The following PMEPA1 variants were observed in gnomAD, a reference collection of about 807,000 sequenced individuals.
PMEPA1 encodes the protein protein TMEPAI.
In PMEPA1, 11 loss-of-function variants were observed where a neutral mutation model predicts 23.0. The ratio of observed to expected loss-of-function variants is 0.48; its 90% CI spans 0.30 to 0.79. PMEPA1 has a LOEUF of 0.79. Ranked by LOEUF, PMEPA1 falls within the 30% of genes least tolerant of loss-of-function variation. The probability of loss-of-function intolerance (pLI) is 0.06; values close to 1 mark genes in which losing one functional copy is unlikely to be tolerated. For missense variants in PMEPA1, 377 were observed against 390.9 expected (o/e 0.96, Z 0.30); for synonymous variants, 204 against 166.4 (o/e 1.23, Z -1.74).
chr20:57,654,274 C>A (rs535754841), intron 2 of PMEPA1, among the ~76,000 whole-genome samples: 2 of 151,112 alleles, frequency 1.3e-5, no homozygotes, highest in East Asian at 3.9e-4. Context: ...ATATTCAAAG[C>A]ATACAATTTG....
Position 57,659,525 on chromosome 20 carries a change from G to A in PMEPA1, c.264+18C>T. 6.2e-7 allele frequency: 1 copy of A among 1,611,552 alleles called. No individual in the cohort carries two copies. Among genetic ancestry groups the A allele is most frequent in the Non-Finnish European group, 8.5e-7 (1 of 1,178,268 alleles). On this transcript the variant is annotated intron_variant, in intron 2 of 3. Coordinates refer to ENST00000341744, the MANE Select transcript of PMEPA1 (RefSeq NM_020182.5). The stretch of plus-strand genomic sequence containing the variant: ...CTGCCGCACCCTCAGGCCACAGATG[G>A]GATGGCGGGGCACTTACTGAGGACA...
intron 1 of PMEPA1, among the ~76,000 whole-genome samples, chr20:57,705,277 C>CTTAAG (rs139775132): frequency 2.0e-5 from 3 of 152,350 alleles, no homozygotes; most frequent in Non-Finnish European, 4.4e-5. Flanking sequence ...GTGTAGCTGG[C>CTTAAG]TTAACCCAGA....
At chr20:57,674,634 C>T (rs2071612141) in intron 1 of PMEPA1, among the ~76,000 whole-genome samples, 1 of 152,246 alleles carries the variant, frequency 6.6e-6, no homozygotes. Flanking sequence ...TGTCTCCATG[C>T]AGGGACGCCC....
At position 57,704,748 on chromosome 20, in the gene PMEPA1, T is replaced by C. The variant is rs1026709232; in HGVS notation, c.109+4726A>G. Among the ~76,000 whole-genome samples the C allele has an allele frequency of 6.6e-6, 1 of 152,210 alleles. No individual in the cohort carries two copies. Among genetic ancestry groups the C allele is most frequent in the Non-Finnish European group, 1.5e-5 (1 of 68,036 alleles). ...TATAAACGTTTAAACCCCCTGGCCC[T>C]GGGCCACGATGGGAGTGGAGATGGT... On this transcript the variant is annotated intron_variant, in intron 1 of 3. Transcript: ENST00000341744. The surrounding 1 kb of genome is among the most constrained non-coding windows in gnomAD (Gnocchi z 4.6).
At chr20:57,678,913 C>G (rs1439389356) in intron 1 of PMEPA1, among the ~76,000 whole-genome samples, 1 of 152,172 alleles carries the variant, frequency 6.6e-6, no homozygotes, top group Non-Finnish European at 1.5e-5. Flanking sequence ...CACTGTACCC[C>G]CAAGAGAAAG....
chr20:57,692,839 C>T (rs777825912), intron 1 of PMEPA1, among the ~76,000 whole-genome samples: 6 of 152,224 alleles, frequency 3.9e-5, no homozygotes, highest in Admixed American at 6.5e-5. Context: ...TCAGCAATGT[C>T]TCAGGGAGCA....
chr20:57,658,186 G>A (rs905833482), intron 2 of PMEPA1, among the ~76,000 whole-genome samples: 66 of 152,270 alleles, frequency 4.3e-4, no homozygotes, highest in Middle Eastern at 3.4e-3. Flanking sequence ...GTGGAGATTC[G>A]AAAGGGAAAT....
chr20:57,705,222 T>C (rs973798568), intron 1 of PMEPA1, among the ~76,000 whole-genome samples: 2 of 152,238 alleles, frequency 1.3e-5, no homozygotes, highest in Non-Finnish European at 2.9e-5. Flanking sequence ...TATTTTGTGC[T>C]TTGACAAATG....
At chr20:57,692,361 G>T (rs1320851019) in intron 1 of PMEPA1, among the ~76,000 whole-genome samples, 2 of 152,244 alleles carry the variant, frequency 1.3e-5, no homozygotes, top group Non-Finnish European at 2.9e-5. Flanking sequence ...AGCCCACCAG[G>T]TGTGGGAAGA....
chr20:57,694,373 C>T (rs1445378437), intron 1 of PMEPA1, among the ~76,000 whole-genome samples: 1 of 152,202 alleles, frequency 6.6e-6, no homozygotes, highest in African/African-American at 2.4e-5. Context: ...TATTACTTAA[C>T]CCGATCTTAA....
At position 57,648,836 on chromosome 20, in the gene PMEPA1, A is replaced by G. The variant is rs1463848832; in HGVS notation, c.*3217T>C. ...GAAGCTTCGTGTTGCACATAGGAAA[A>G]AAAATTTCTCTGAAACGTACAATTC... On this transcript the variant is annotated 3_prime_UTR_variant, in exon 4 of 4. Coordinates refer to ENST00000341744, the MANE Select transcript of PMEPA1 (RefSeq NM_020182.5). 2 of 152,192 alleles carry G rather than the reference A, an allele frequency of 1.3e-5. No homozygotes were observed. Among genetic ancestry groups the G allele is most frequent in the African/African-American group, 4.8e-5 (2 of 41,434 alleles). 9.4% of individuals were successfully genotyped at this position (152,192 alleles called of 1,614,324 possible). A position where few individuals can be genotyped will look rare whatever the true frequency, so the allele number is the denominator to read the frequency against.
At chr20:57,667,747 T>C (rs907247401) in intron 1 of PMEPA1, among the ~76,000 whole-genome samples, 1 of 152,166 alleles carries the variant, frequency 6.6e-6, no homozygotes, top group East Asian at 1.9e-4. Context: ...CGGGGCCTCA[T>C]TGTCATTCTG....
chr20:57,695,754 C>T (rs1447054557), intron 1 of PMEPA1, among the ~76,000 whole-genome samples: 1 of 152,204 alleles, frequency 6.6e-6, no homozygotes, highest in Non-Finnish European at 1.5e-5. Flanking sequence ...CAGACCTCAA[C>T]TTACCCATCT....
At chr20:57,657,556 C>T (rs1310112231) in intron 2 of PMEPA1, among the ~76,000 whole-genome samples, 1 of 152,240 alleles carries the variant, frequency 6.6e-6, no homozygotes, top group Non-Finnish European at 1.5e-5. Flanking sequence ...TTGAGAGCAG[C>T]AGGTCTGCAG....
Position 57,652,064 on chromosome 20 carries a change from G to T in PMEPA1, c.853C>A (p.His285Asn). The T allele has an allele frequency of 6.7e-7, 1 of 1,503,356 alleles. No individual in the cohort carries two copies. The highest frequency in any genetic ancestry group is 8.9e-7 in the Non-Finnish European group (1 of 1,120,936). 93.1% of individuals were successfully genotyped at this position (1,503,356 alleles called of 1,614,324 possible). A position where few individuals can be genotyped will look rare whatever the true frequency, so the allele number is the denominator to read the frequency against. ...WSKEKDKQKG[H>N]PL ...CCCCCCTGGGGACCCTAGAGAGGGT[G>T]TCCTTTCTGTTTATCCTTCTCTTTG... The change falls in exon 4 of 4, where the codon CAC (histidine) becomes AAC (asparagine). Residue 285 changes from histidine to asparagine, a missense_variant. Coordinates refer to ENST00000341744, the MANE Select transcript of PMEPA1 (RefSeq NM_020182.5). The surrounding 1 kb of genome is among the most constrained non-coding windows in gnomAD (Gnocchi z 6.1).
chr20:57,696,882 C>T (rs1005759096), intron 1 of PMEPA1, among the ~76,000 whole-genome samples: 1 of 152,232 alleles, frequency 6.6e-6, no homozygotes, highest in Admixed American at 6.5e-5. Flanking sequence ...TTTCCGTTTA[C>T]ACCCCTGATT....
rs759561916 is a variant in PMEPA1 at position 57,652,041 on chromosome 20, C to T, written c.*12G>A. ...TCACCTACGCAGCCCCAGCCCGGCC[C>T]CCCTGGGGACCCTAGAGAGGGTGTC... On this transcript the variant is annotated 3_prime_UTR_variant, in exon 4 of 4. Coordinates refer to ENST00000341744, the MANE Select transcript of PMEPA1 (RefSeq NM_020182.5). This position sits in a 1 kb window ranked among gnomAD's most constrained non-coding sequence, Gnocchi z 6.1. The T allele has an allele frequency of 1.4e-6, 2 of 1,463,766 alleles. No individual in the cohort carries two copies. Among genetic ancestry groups the T allele is most frequent in the Admixed American group, 2.7e-5 (1 of 37,382 alleles). The allele number at this position is 1,463,766 out of a possible 1,614,324, so 90.7% of individuals were successfully genotyped here. A position where few individuals can be genotyped will look rare whatever the true frequency, so the allele number is the denominator to read the frequency against.
rs148126130 is a variant in PMEPA1 at position 57,676,732 on chromosome 20, C to T, written c.110-17035G>A. On this transcript the variant is annotated intron_variant, in intron 1 of 3. Transcript: ENST00000341744. ...CCACTGGGAGCTGGACCCCCCATGA[C>T]GAGAGGCCTCCTTGCACTGCTGAGC... Among the ~76,000 whole-genome samples the T allele has an allele frequency of 6.1e-3, 927 of 152,272 alleles. 5 individuals carry two copies. Among genetic ancestry groups the T allele is most frequent in the Non-Finnish European group, 9.7e-3 (663 of 68,014 alleles).
Position 57,652,664 on chromosome 20 carries a change from T to C in PMEPA1, c.319-66A>G. 7.8e-7 allele frequency: 1 copy of C among 1,286,080 alleles called. No individual in the cohort carries two copies. Among genetic ancestry groups the C allele is most frequent in the Non-Finnish European group, 1.0e-6 (1 of 962,090 alleles). The allele number at this position is 1,286,080 out of a possible 1,614,324, so 79.7% of individuals were successfully genotyped here. A position where few individuals can be genotyped will look rare whatever the true frequency, so the allele number is the denominator to read the frequency against. ...CAGGTGGGTTGTCCAGAAGCGATCC[T>C]GAGACTGGAGTTCTGCTGCATGGGA... On this transcript the variant is annotated intron_variant, in intron 3 of 3. Coordinates refer to ENST00000341744, the MANE Select transcript of PMEPA1 (RefSeq NM_020182.5). This position sits in a 1 kb window ranked among gnomAD's most constrained non-coding sequence, Gnocchi z 6.1.
Sources: gnomAD v4.1 joint callset for allele counts (sites outside exome capture counted in the v4.1 genomes callset) on GRCh38, gnomAD v4.1.1 for gene constraint, Gnocchi (gnomAD v3.1) non-coding constraint, MANE v1.5 for transcripts, NCBI Gene and HGNC (gene_info 2026-07-23, HGNC 2026-07-21) for gene names.